PCSK6: variants seen among roughly 807,000 people sequenced by gnomAD.
PCSK6 encodes the protein proprotein convertase subtilisin/kexin type 6, also known as paired basic amino acid cleaving enzyme 4.
Under a neutral mutation model 123.3 loss-of-function variants are expected in PCSK6, and 85 were observed. The ratio of observed to expected loss-of-function variants is 0.69; its 90% CI spans 0.58 to 0.83. The LOEUF is 0.83. PCSK6 is among the 40% of genes least tolerant of loss of function. The probability of loss-of-function intolerance (pLI) is 0.00; values close to 1 mark genes in which losing one functional copy is unlikely to be tolerated. For synonymous variants in PCSK6, 508 were observed against 516.0 expected, an observed-to-expected ratio of 0.98 and a Z score of 0.21; for missense variants, 1,191 against 1,282.3, an observed-to-expected ratio of 0.93 and a Z score of 1.09.
At chr15:101,474,450 T>G (rs552405834) in intron 1 of PCSK6, among the ~76,000 whole-genome samples, 2 of 152,280 alleles carry the variant, frequency 1.3e-5, no homozygotes, top group East Asian at 3.9e-4. Flanking sequence ...GCCTGACCCA[T>G]CTTTATAACT....
chr15:101,335,962 G>A (rs935330936), intron 13 of PCSK6, among the ~76,000 whole-genome samples: 4 of 152,180 alleles, frequency 2.6e-5, no homozygotes, highest in Admixed American at 2.6e-4. Context: ...AAGTGTTTGT[G>A]TACCTAAACA....
intron 20 of PCSK6, among the ~76,000 whole-genome samples, chr15:101,310,378 C>T (rs1567135065): frequency 6.6e-6 from 1 of 152,246 alleles, no homozygotes; most frequent in Non-Finnish European, 1.5e-5. Context: ...TGCGGTGGGG[C>T]TGCCTGCAGG....
chr15:101,486,207 G>A (rs868205520), intron 1 of PCSK6, among the ~76,000 whole-genome samples: 12 of 152,076 alleles, frequency 7.9e-5, no homozygotes, highest in South Asian at 6.2e-4. Context: ...CAGGTGATCC[G>A]CCTGCCTCAG....
intron 6 of PCSK6, among the ~76,000 whole-genome samples, chr15:101,409,062 G>A (rs906087579): frequency 6.6e-6 from 1 of 152,176 alleles, no homozygotes; most frequent in Non-Finnish European, 1.5e-5. Flanking sequence ...TGTCAGGTGG[G>A]AGGGCTCCCT....
intron 15 of PCSK6, among the ~76,000 whole-genome samples, chr15:101,329,995 TGGGCGGGGGGACAGCCCAGG>T (rs1467483030): frequency 2.6e-5 from 4 of 152,206 alleles, no homozygotes; most frequent in Admixed American, 2.6e-4. Context: ...TCCCAGTCTC[TGGGCGGGGGGACAGCCCAGG>T]GTCTGCTCTC....
chr15:101,397,557 T>TC (rs2042449950), intron 7 of PCSK6, among the ~76,000 whole-genome samples: 1 of 152,014 alleles, frequency 6.6e-6, no homozygotes, highest in African/African-American at 2.4e-5. Flanking sequence ...GGAACTCCCC[T>TC]GGTCCCCACT....
intron 2 of PCSK6, among the ~76,000 whole-genome samples, chr15:101,436,061 G>A (rs1173348526): frequency 1.3e-5 from 2 of 152,178 alleles, no homozygotes; most frequent in African/African-American, 4.8e-5. Flanking sequence ...TCATGAGCCA[G>A]TGTCACCAAA....
chr15:101,307,510 G>C, intron 20 of PCSK6, 185 bp from the exon 21 acceptor site: 1 of 569,030 alleles, frequency 1.8e-6, no homozygotes, highest in Non-Finnish European at 3.2e-6. Context: ...CTTTTCTCCT[G>C]TCTGACCTCA....
chr15:101,361,891 G>A (rs2041233450), intron 13 of PCSK6, among the ~76,000 whole-genome samples: 1 of 151,540 alleles, frequency 6.6e-6, no homozygotes, highest in African/African-American at 2.4e-5. Flanking sequence ...AGATGGTGAA[G>A]GAGACAAAGA....
intron 13 of PCSK6, among the ~76,000 whole-genome samples, chr15:101,352,308 C>T (rs890941464): frequency 1.3e-5 from 2 of 151,744 alleles, no homozygotes; most frequent in African/African-American, 2.4e-5. Context: ...CCACTGCGCC[C>T]GGCTAATTTT....
At chr15:101,445,164 T>G (rs956238769) in intron 1 of PCSK6, among the ~76,000 whole-genome samples, 4 of 152,218 alleles carry the variant, frequency 2.6e-5, no homozygotes, top group African/African-American at 9.6e-5. Context: ...TAGAACCTAG[T>G]GGGCATTCAG....
chr15:101,438,008 G>T (rs1036101655), intron 2 of PCSK6, among the ~76,000 whole-genome samples: 1 of 152,092 alleles, frequency 6.6e-6, no homozygotes, highest in African/African-American at 2.4e-5. Flanking sequence ...GAGAAGAGGA[G>T]ATTAGGACAG....
intron 13 of PCSK6, among the ~76,000 whole-genome samples, chr15:101,361,333 CCCTCCCA>C (rs2041216941): frequency 3.2e-5 from 2 of 62,020 alleles, no homozygotes; most frequent in Non-Finnish European, 5.9e-5. Flanking sequence ...AATCCATCAC[CCCTCCCA>C]CTAAATGTGG....
chr15:101,337,021 T>C (rs980263651), intron 13 of PCSK6: 2 of 152,210 alleles, frequency 1.3e-5, no homozygotes, highest in Non-Finnish European at 2.9e-5. Flanking sequence ...CTTTTTTTTT[T>C]TTTAGATGGT....
intron 6 of PCSK6, among the ~76,000 whole-genome samples, chr15:101,402,830 A>G (rs1166766573): frequency 3.3e-5 from 5 of 152,116 alleles, no homozygotes; most frequent in Non-Finnish European, 7.4e-5. Context: ...GTGGGACTGT[A>G]AACTAGTTCA....
intron 13 of PCSK6, among the ~76,000 whole-genome samples, chr15:101,365,511 C>T (rs1330659046): frequency 6.6e-6 from 1 of 152,150 alleles, no homozygotes; most frequent in Non-Finnish European, 1.5e-5. Context: ...TTCCTCAAAA[C>T]GTTCAACATA....
intron 15 of PCSK6, among the ~76,000 whole-genome samples, chr15:101,327,485 G>A (rs1320803308): frequency 6.6e-6 from 1 of 152,198 alleles, no homozygotes; most frequent in Non-Finnish European, 1.5e-5. Flanking sequence ...ACGGCCCAGG[G>A]GACCCCGACA....
chr15:101,484,793 G>T (rs575193238), intron 1 of PCSK6, among the ~76,000 whole-genome samples: 1 of 152,252 alleles, frequency 6.6e-6, no homozygotes, highest in East Asian at 1.9e-4. Flanking sequence ...TATCTGTGTA[G>T]ATATAGATCT....
chr15:101,369,034 G>A (rs974909074), intron 12 of PCSK6, among the ~76,000 whole-genome samples: 3 of 152,084 alleles, frequency 2.0e-5, no homozygotes, highest in Admixed American at 2.0e-4. Flanking sequence ...TGTGACACTC[G>A]TGCTATGAAA....
Sources: gnomAD v4.1 joint callset for allele counts (sites outside exome capture counted in the v4.1 genomes callset) on GRCh38, gnomAD v4.1.1 for gene constraint, MANE v1.5 for transcripts, NCBI Gene and HGNC (gene_info 2026-07-23, HGNC 2026-07-21) for gene names.